The following NMNAT2 variants were observed in gnomAD, a reference collection of about 807,000 sequenced individuals.
NMNAT2 encodes the protein nicotinamide nucleotide adenylyltransferase 2.
Under a neutral mutation model 41.6 loss-of-function variants are expected in NMNAT2, and 11 were observed. The observed-to-expected ratio is 0.26, with a 90% CI of 0.17 to 0.44. NMNAT2 has a LOEUF of 0.44. Ranked by LOEUF, NMNAT2 falls within the 20% of genes least tolerant of loss-of-function variation. The pLI is 1.00. For missense variants in NMNAT2, 288 were observed against 407.7 expected, an observed-to-expected ratio of 0.71 and a Z score of 2.53; for synonymous variants, 148 against 151.2, an observed-to-expected ratio of 0.98 and a Z score of 0.16.
intron 1 of NMNAT2, among the ~76,000 whole-genome samples, chr1:183,400,525 G>C (rs369678911): frequency 1.3e-5 from 2 of 152,094 alleles, no homozygotes; most frequent in African/African-American, 4.8e-5. Context: ...TCCCCATCAA[G>C]CTACCAATGA....
intron 1 of NMNAT2, among the ~76,000 whole-genome samples, chr1:183,382,315 C>T (rs1173547471): frequency 2.0e-5 from 3 of 152,204 alleles, no homozygotes; most frequent in Admixed American, 6.5e-5. Context: ...GGCCCTTCCT[C>T]CAACACTGGG....
At chr1:183,334,938 A>G (rs2102341133) in intron 1 of NMNAT2, among the ~76,000 whole-genome samples, 1 of 152,306 alleles carries the variant, frequency 6.6e-6, no homozygotes, top group East Asian at 1.9e-4. Flanking sequence ...GTCAGGAAAA[A>G]GTTACATGAT....
At chr1:183,417,562 C>T (rs558623660) in intron 1 of NMNAT2, among the ~76,000 whole-genome samples, 3 of 152,216 alleles carry the variant, frequency 2.0e-5, no homozygotes, top group South Asian at 4.2e-4. Flanking sequence ...GAAAAGGGCC[C>T]CCTCCCTATT....
intron 1 of NMNAT2, among the ~76,000 whole-genome samples, chr1:183,390,065 AGGCATTAACTACACAG>A (rs1242045711): frequency 1.3e-5 from 2 of 152,026 alleles, no homozygotes; most frequent in Non-Finnish European, 2.9e-5. Flanking sequence ...GGGGTTTGGA[AGGCATTAACTACACAG>A]GGCATTAACT....
chr1:183,341,724 C>CAAAAAAAA (rs1557883660), intron 1 of NMNAT2, among the ~76,000 whole-genome samples: 2 of 15,844 alleles, frequency 1.3e-4, no homozygotes, highest in African/African-American at 3.9e-4. Context: ...CAAACAAACA[C>CAAAAAAAA]CAAAAAAAAA....
rs183084919 is a variant in NMNAT2 at position 183,264,669 on chromosome 1, G to A, written c.652-3366C>T. Among the ~76,000 whole-genome samples the A allele has an allele frequency of 7.8e-4, 119 of 152,252 alleles. No individual in the cohort carries two copies. The South Asian group carries it at 0.014, about 18-fold the overall frequency. On this transcript the variant is annotated intron_variant, in intron 8 of 10. Transcript: ENST00000287713. ...CTTAGAAACAATGTTCATGGTGGAC[G>A]GTATTTGCGTGTGTGCATGTGTGTG...
chr1:183,258,341 C>T (rs1013535514), intron 10 of NMNAT2, among the ~76,000 whole-genome samples: 1 of 152,198 alleles, frequency 6.6e-6, no homozygotes, highest in Non-Finnish European at 1.5e-5. Context: ...GACCAGCTCA[C>T]TGCCTTTCAA....
intron 1 of NMNAT2, among the ~76,000 whole-genome samples, chr1:183,360,712 G>A (rs964180935): frequency 1.3e-5 from 2 of 152,178 alleles, no homozygotes; most frequent in Non-Finnish European, 2.9e-5. Context: ...AATTGGCAGT[G>A]TGCCTCTCAC....
Position 183,338,149 on chromosome 1 carries a change from TAAAAAAA to T in NMNAT2, c.86-44363_86-44357del, listed in dbSNP as rs59064477. Among the ~76,000 whole-genome samples the T allele has an allele frequency of 1.0e-4, 10 of 96,402 alleles. No homozygotes were observed. In the South Asian group the frequency reaches 3.4e-3, roughly 33 times the overall value. 63.2% of individuals were successfully genotyped at this position (96,402 alleles called of 152,430 possible). ...CAACATAGTGAGACCCCCATCTCTT[TAAAAAAA>T]AAAAAAAAAAAAGCAAATGCTACAG... On this transcript the variant is annotated intron_variant, in intron 1 of 10. Coordinates refer to ENST00000287713, the MANE Select transcript of NMNAT2 (RefSeq NM_015039.4).
At position 183,283,985 on chromosome 1, in the gene NMNAT2, T is replaced by G. The variant is rs1233381914; in HGVS notation, c.574+10A>C. Reference sequence around the variant, plus strand: ...GTCCCCATTTTCCGCACTTTCGCAGTCCCACTCACCAATCTCTTCATACCG... The same window carrying G: ...GTCCCCATTTTCCGCACTTTCGCAGGCCCACTCACCAATCTCTTCATACCG... On this transcript the variant is annotated intron_variant, in intron 7 of 10. Transcript: ENST00000287713. 1 of 1,613,830 alleles carries G rather than the reference T, an allele frequency of 6.2e-7. No individual in the cohort carries two copies. The highest frequency in any genetic ancestry group is 1.3e-5 in the African/African-American group (1 of 74,920).
intron 1 of NMNAT2, among the ~76,000 whole-genome samples, chr1:183,333,339 C>T (rs1662622006): frequency 6.6e-6 from 1 of 152,156 alleles, no homozygotes; most frequent in African/African-American, 2.4e-5. Context: ...ACATCCTAAT[C>T]CCCAGAATCT....
chr1:183,329,861 G>A (rs556959678), intron 1 of NMNAT2, among the ~76,000 whole-genome samples: 121 of 152,236 alleles, frequency 7.9e-4, no homozygotes, highest in Non-Finnish European at 1.2e-3. Context: ...CATGGAATTG[G>A]GGCTCAGAAA....
rs559657999 is a variant in NMNAT2 at position 183,371,836 on chromosome 1, G to T, written c.85+46347C>A. ...GCTCTGTCACCCAGGCTGGAGTGCA[G>T]TGTTGCAATCATGGCTCACTGCAGC... On this transcript the variant is annotated intron_variant, in intron 1 of 10. Transcript: ENST00000287713. Among the ~76,000 whole-genome samples the T allele has an allele frequency of 4.6e-5, 7 of 152,258 alleles. No homozygotes were observed. In the South Asian group the frequency reaches 1.5e-3, roughly 32 times the overall value.
intron 1 of NMNAT2, among the ~76,000 whole-genome samples, chr1:183,299,259 C>G (rs1411183347): frequency 6.6e-6 from 1 of 151,986 alleles, no homozygotes; most frequent in Non-Finnish European, 1.5e-5. Context: ...ACTTGTAATC[C>G]CAGCTACTTG....
intron 1 of NMNAT2, among the ~76,000 whole-genome samples, chr1:183,375,125 C>A (rs1663647090): frequency 6.6e-6 from 1 of 152,212 alleles, no homozygotes; most frequent in Non-Finnish European, 1.5e-5. Context: ...CCCCTACCCC[C>A]ATCGGCTTTG....
intron 1 of NMNAT2, among the ~76,000 whole-genome samples, chr1:183,340,376 G>A (rs955964373): frequency 6.9e-6 from 1 of 145,206 alleles, no homozygotes; most frequent in African/African-American, 2.6e-5. Flanking sequence ...AGGCTAGAGT[G>A]CAGTGGCGCA....
chr1:183,365,022 C>G (rs1057343832), intron 1 of NMNAT2, among the ~76,000 whole-genome samples: 2 of 152,166 alleles, frequency 1.3e-5, no homozygotes, highest in African/African-American at 2.4e-5. Context: ...TCAACCTTCT[C>G]TAGGCCTCCA....
intron 1 of NMNAT2, among the ~76,000 whole-genome samples, chr1:183,336,282 A>G (rs767697672): frequency 8.6e-4 from 131 of 152,368 alleles, no homozygotes; most frequent in Middle Eastern, 6.8e-3. Flanking sequence ...ACATTTCACA[A>G]AAGAAGATAT....
Position 183,339,354 on chromosome 1 carries a change from C to T in NMNAT2, c.86-45561G>A, listed in dbSNP as rs540960669. Among the ~76,000 whole-genome samples the T allele has an allele frequency of 3.3e-5, 5 of 152,298 alleles. No individual in the cohort carries two copies. In the East Asian group the frequency reaches 9.7e-4, roughly 29 times the overall value. On this transcript the variant is annotated intron_variant, in intron 1 of 10. Coordinates refer to ENST00000287713, the MANE Select transcript of NMNAT2 (RefSeq NM_015039.4). ...CCTCATGATCTGCGCGCCTCAGCCT[C>T]CCAAAGTGCTGGGATTACAGGCAAG...
Sources: gnomAD v4.1 joint callset for allele counts (sites outside exome capture counted in the v4.1 genomes callset) on GRCh38, gnomAD v4.1.1 for gene constraint, MANE v1.5 for transcripts, NCBI Gene and HGNC (gene_info 2026-07-23, HGNC 2026-07-21) for gene names.